Variants in PLEKHM3 observed in about 807,000 individuals in gnomAD.
PLEKHM3 encodes pleckstrin homology domain containing M3.
In PLEKHM3, 45 loss-of-function variants were observed where a neutral mutation model predicts 81.8. The ratio of observed to expected loss-of-function variants is 0.55; its 90% CI spans 0.43 to 0.71. The LOEUF (loss-of-function observed/expected upper bound fraction) is 0.71, where lower values mean the gene tolerates loss of function less well. PLEKHM3 is among the 30% of genes least tolerant of loss of function. PLEKHM3 has a pLI of 0.00. For synonymous variants in PLEKHM3, 352 were observed against 356.4 expected (o/e 0.99, Z 0.14); for missense variants, 788 against 924.3 (o/e 0.85, Z 1.91).
intron 7 of PLEKHM3, among the ~76,000 whole-genome samples, chr2:207,847,985 G>A (rs1301748641): frequency 6.6e-6 from 1 of 152,214 alleles, no homozygotes; most frequent in Non-Finnish European, 1.5e-5. Flanking sequence ...TAGGTGCCCT[G>A]ACAGTGTTTG....
chr2:207,924,112 C>T (rs1045967719), intron 5 of PLEKHM3, among the ~76,000 whole-genome samples: 3 of 150,512 alleles, frequency 2.0e-5, no homozygotes, highest in Middle Eastern at 3.2e-3. Flanking sequence ...ACCATGTTGG[C>T]GAGGCTGGTC....
At chr2:208,024,398 C>T (rs987981011) in intron 1 of PLEKHM3, among the ~76,000 whole-genome samples, 19 of 152,074 alleles carry the variant, frequency 1.2e-4, no homozygotes, top group African/African-American at 3.9e-4. Flanking sequence ...GAATTAGTAT[C>T]ATTTCTTCTA....
At chr2:208,020,548 A>G (rs1469057146) in intron 1 of PLEKHM3, among the ~76,000 whole-genome samples, 1 of 152,248 alleles carries the variant, frequency 6.6e-6, no homozygotes, top group Non-Finnish European at 1.5e-5. Flanking sequence ...CAGAGCAAAC[A>G]TAATGCATGG....
At position 207,976,214 on chromosome 2, in the gene PLEKHM3, T is replaced by G. The variant is rs141777166; in HGVS notation, c.1546+437A>C. On this transcript the variant is annotated intron_variant, in intron 3 of 7. Coordinates refer to ENST00000427836, the MANE Select transcript of PLEKHM3 (RefSeq NM_001080475.3). The surrounding 1 kb of genome is among the most constrained non-coding windows in gnomAD (Gnocchi z 4.1). ...CAAGGTCAAGATCAATGACAGTTAC[T>G]GACTGTGGCCATTTTCCTTGCCTAA... 1.3e-5 allele frequency among the ~76,000 whole-genome samples: 2 copies of G among 152,388 alleles called. No individual in the cohort carries two copies. Among genetic ancestry groups the G allele is most frequent in the South Asian group, 4.1e-4 (2 of 4,832 alleles).
At chr2:207,933,859 A>T (rs1689666637) in intron 4 of PLEKHM3, among the ~76,000 whole-genome samples, 1 of 152,224 alleles carries the variant, frequency 6.6e-6, no homozygotes, top group African/African-American at 2.4e-5. Context: ...GCCTGAGTAC[A>T]TGAACAAATC....
intron 4 of PLEKHM3, among the ~76,000 whole-genome samples, chr2:207,939,580 G>T (rs1421197819): frequency 6.6e-6 from 1 of 152,220 alleles, no homozygotes; most frequent in Non-Finnish European, 1.5e-5. Flanking sequence ...GAGGGCTTAT[G>T]ATGCGCCACA....
At chr2:207,920,811 G>A (rs1325587999) in intron 5 of PLEKHM3, among the ~76,000 whole-genome samples, 1 of 152,224 alleles carries the variant, frequency 6.6e-6, no homozygotes, top group East Asian at 1.9e-4. Flanking sequence ...TGGGACATAG[G>A]AGGGTCTGGC....
rs760202097 is a variant in PLEKHM3, at chr2:207,908,622, AAC to A, written c.1887-47_1887-46del. The A allele has an allele frequency of 2.7e-6, 4 of 1,503,746 alleles. No individual in the cohort carries two copies. In the Admixed American group the frequency reaches 7.3e-5, roughly 27 times the overall value. The allele number at this position is 1,503,746 out of a possible 1,614,324, so 93.2% of individuals were successfully genotyped here. A position where few individuals can be genotyped will look rare whatever the true frequency, so the allele number is the denominator to read the frequency against. On this transcript the variant is annotated intron_variant, in intron 5 of 7. Transcript: ENST00000427836. ...GACAAGTGAACTGTGGTGCTGCCAT[AAC>A]ACACATTTTTCTGATAAGTTTCAGT...
intron 3 of PLEKHM3, among the ~76,000 whole-genome samples, chr2:207,971,291 C>T (rs1262763983): frequency 6.6e-6 from 1 of 152,048 alleles, no homozygotes; most frequent in Non-Finnish European, 1.5e-5. Flanking sequence ...TAGGTAGGTA[C>T]AAATGTCAAA....
Position 207,828,343 on chromosome 2 carries a change from G to T in PLEKHM3, c.2262C>A (p.Phe754Leu). Residue 754 changes from phenylalanine to leucine, a missense_variant, in exon 8 of 8, where the codon TTC (phenylalanine) becomes TTA (leucine). By Grantham distance (22) the Phe-to-Leu change is conservative. Coordinates refer to ENST00000427836, the MANE Select transcript of PLEKHM3 (RefSeq NM_001080475.3). ...DESLEEACTM[F>L]ELSYQNT The stretch of plus-strand genomic sequence containing the variant: ...GTCAGGTGTTCTGGTAGGACAGCTC[G>T]AACATGGTGCAAGCCTCCTCTAGAC... The T allele has an allele frequency of 6.2e-7, 1 of 1,613,492 alleles. No homozygotes were observed. Among genetic ancestry groups the T allele is most frequent in the South Asian group, 1.1e-5 (1 of 90,978 alleles).
chr2:207,831,327 C>T (rs1256377570), intron 7 of PLEKHM3, among the ~76,000 whole-genome samples: 10 of 152,200 alleles, frequency 6.6e-5, no homozygotes, highest in African/African-American at 2.2e-4. Flanking sequence ...GTGACTGGAA[C>T]CCAGGGCTCC....
At chr2:207,878,264 A>C (rs899448679) in intron 6 of PLEKHM3, among the ~76,000 whole-genome samples, 1 of 151,972 alleles carries the variant, frequency 6.6e-6, no homozygotes, top group Admixed American at 6.6e-5. Flanking sequence ...ATGATAATAC[A>C]TGCAAAGCAC....
intron 1 of PLEKHM3, among the ~76,000 whole-genome samples, chr2:208,005,161 T>C (rs564832694): frequency 2.0e-5 from 3 of 152,324 alleles, no homozygotes; most frequent in African/African-American, 7.2e-5. Flanking sequence ...ACAAAGATAA[T>C]ACACTCAGTT....
chr2:207,903,344 C>A lies in PLEKHM3; in HGVS notation c.1950+5170G>T, dbSNP rs79127973. ...GTCTCACAAGAGGGGTGTGTGTGTG[C>A]GGGGGTGAGGTGGTGGGCAGTGGAG... On this transcript the variant is annotated intron_variant, in intron 6 of 7. Transcript: ENST00000427836. 5.1e-3 allele frequency among the ~76,000 whole-genome samples: 774 copies of A among 151,786 alleles called. 5 individuals carry two copies. Among genetic ancestry groups the A allele is most frequent in the African/African-American group, 0.018 (737 of 41,400 alleles).
intron 7 of PLEKHM3, among the ~76,000 whole-genome samples, chr2:207,859,789 G>T (rs2092457355): frequency 6.6e-6 from 1 of 151,880 alleles, no homozygotes; most frequent in African/African-American, 2.4e-5. Context: ...GTAGAGACGG[G>T]GTTTCACCAT....
intron 3 of PLEKHM3, among the ~76,000 whole-genome samples, chr2:207,954,288 C>T (rs766015210): frequency 1.3e-5 from 2 of 152,072 alleles, no homozygotes; most frequent in African/African-American, 4.8e-5. Context: ...CCCAGGAGTT[C>T]GAGGGTTCAA....
chr2:208,015,259 TAC>T (rs1692865168), intron 1 of PLEKHM3, among the ~76,000 whole-genome samples: 1 of 152,154 alleles, frequency 6.6e-6, no homozygotes, highest in South Asian at 2.1e-4. Context: ...GACTCTAAGA[TAC>T]ACACACAGCC....
intron 7 of PLEKHM3, among the ~76,000 whole-genome samples, chr2:207,830,719 G>GGACACTTCTGCT: frequency 6.8e-6 from 1 of 146,478 alleles, no homozygotes; most frequent in African/African-American, 2.6e-5. Flanking sequence ...AGTGTCCTTA[G>GGACACTTCTGCT]AAGTGTCCTA....
intron 7 of PLEKHM3, among the ~76,000 whole-genome samples, chr2:207,839,272 A>T (rs987840045): frequency 3.9e-5 from 6 of 152,294 alleles, no homozygotes; most frequent in Non-Finnish European, 8.8e-5. Context: ...ATGCACATTA[A>T]TGTACATGAA....
Sources: gnomAD v4.1 joint callset for allele counts (sites outside exome capture counted in the v4.1 genomes callset) on GRCh38, gnomAD v4.1.1 for gene constraint, Gnocchi (gnomAD v3.1) non-coding constraint, MANE v1.5 for transcripts, NCBI Gene and HGNC (gene_info 2026-07-23, HGNC 2026-07-21) for gene names.